The following PLCXD1 variants were observed in gnomAD, a reference collection of about 807,000 sequenced individuals.
The protein encoded by PLCXD1 is PI-PLC X domain-containing protein 1.
A neutral mutation model predicts 37.8 loss-of-function variants in PLCXD1; 45 were observed. The observed-to-expected ratio is 1.19, with a 90% CI of 0.94 to 1.53. The LOEUF (loss-of-function observed/expected upper bound fraction) is 1.53, where lower values mean the gene tolerates loss of function less well. Among genes scored for constraint, PLCXD1 ranks in the 40% most tolerant of loss-of-function variants. The probability of loss-of-function intolerance (pLI) is 0.00; values close to 1 mark genes in which losing one functional copy is unlikely to be tolerated. For synonymous variants in PLCXD1, 246 were observed against 206.9 expected (o/e 1.19, Z -1.62); for missense variants, 539 against 454.7 (o/e 1.19, Z -1.69).
chrX:303,192 C>G lies in PLCXD1; in HGVS notation c.*3857C>G, dbSNP rs528604087. On this transcript the variant is annotated 3_prime_UTR_variant, in exon 7 of 7. Coordinates refer to ENST00000381657, the MANE Select transcript of PLCXD1 (RefSeq NM_018390.4). ...ACAACCGGCGGCTACCTCAGCCCCACGGCTCTGCAGGATCAGGGCTCGGGC... is the reference window on the plus strand; with the variant it reads ...ACAACCGGCGGCTACCTCAGCCCCAGGGCTCTGCAGGATCAGGGCTCGGGC... 6.6e-6 allele frequency: 1 copy of G among 152,286 alleles called. No homozygotes were observed. Among genetic ancestry groups the G allele is most frequent in the East Asian group, 1.9e-4 (1 of 5,176 alleles). The allele number at this position is 152,286 out of a possible 1,614,324, so 9.4% of individuals were successfully genotyped here. A position where few individuals can be genotyped will look rare whatever the true frequency, so the allele number is the denominator to read the frequency against.
At chrX:283,534 C>T (rs1443213968) in intron 1 of PLCXD1, 8 of 150,280 alleles carry the variant, frequency 5.3e-5, no homozygotes, top group African/African-American at 2.0e-4. Context: ...GTGGGGGCGG[C>T]CGTGGTGTCA....
Position 302,271 on chromosome X carries a change from C to CT in PLCXD1, c.*2936_*2937insT, listed in dbSNP as rs1361035406. On this transcript the variant is annotated 3_prime_UTR_variant, in exon 7 of 7. Transcript: ENST00000381657. ...TAAAGTCCTACAGGTACAAGGGAGA[C>CT]CCCCCCCCCACGGAAGGCGCCCCCA... 1.1e-3 allele frequency: 5 copies of CT among 4,704 alleles called. No homozygotes were observed. The highest frequency in any genetic ancestry group is 0.01 in the Non-Finnish European group (5 of 478). 0.3% of individuals were successfully genotyped at this position (4,704 alleles called of 1,614,324 possible).
At position 289,148 on chromosome X, in the gene PLCXD1, C is replaced by T. The variant is rs183894416; in HGVS notation, c.264+279C>T. On this transcript the variant is annotated intron_variant, in intron 3 of 6. Transcript: ENST00000381657. The stretch of plus-strand genomic sequence containing the variant: ...TCTTACCCGGGCTGGAGTGCAGTGG[C>T]GTGATCTCGGCTCACTGCAACCTCC... Among the ~76,000 whole-genome samples, 274 of 151,948 alleles carry T rather than the reference C, an allele frequency of 1.8e-3. 1 individual carries two copies. The highest frequency in any genetic ancestry group is 2.8e-3 in the Non-Finnish European group (190 of 67,930).
chrX:287,549 G>A (rs1376929260), intron 2 of PLCXD1, among the ~76,000 whole-genome samples: 1 of 94,946 alleles, frequency 1.1e-5, no homozygotes, highest in Non-Finnish European at 1.8e-5. Flanking sequence ...TTTATATATA[G>A]ATATAGATAC....
At position 284,160 on chromosome X, in the gene PLCXD1, T is replaced by C. The variant is rs2124319312; in HGVS notation, c.-21-7T>C. ...AAAAAACCTCTTTTCCTCTTCTCCT[T>C]CCTCAGGTTGCCCAGGGCTCACCTC... On this transcript the variant is annotated splice_region_variant and splice_polypyrimidine_tract_variant and intron_variant, in intron 1 of 6. Coordinates refer to ENST00000381657, the MANE Select transcript of PLCXD1 (RefSeq NM_018390.4). 6.2e-7 allele frequency: 1 copy of C among 1,611,906 alleles called. No individual in the cohort carries two copies. Among genetic ancestry groups the C allele is most frequent in the East Asian group, 2.2e-5 (1 of 44,880 alleles).
At chrX:296,614 T>C (rs2069816694) in intron 6 of PLCXD1, among the ~76,000 whole-genome samples, 1 of 152,158 alleles carries the variant, frequency 6.6e-6, no homozygotes, top group Admixed American at 6.6e-5. Flanking sequence ...CAAATTTGCA[T>C]TTCTAACTAT....
chrX:285,278 T>C (rs1374720787), intron 2 of PLCXD1, among the ~76,000 whole-genome samples: 1 of 151,838 alleles, frequency 6.6e-6, no homozygotes, highest in African/African-American at 2.4e-5. Flanking sequence ...GCACATAGGC[T>C]CATACACACA....
chrX:290,629 C>A lies in PLCXD1; in HGVS notation c.265-19C>A. The A allele has an allele frequency of 6.2e-7, 1 of 1,613,262 alleles. No homozygotes were observed. The highest frequency in any genetic ancestry group is 8.5e-7 in the Non-Finnish European group (1 of 1,179,596). On this transcript the variant is annotated intron_variant, in intron 3 of 6. Transcript: ENST00000381657. Reference sequence around the variant, plus strand: ...GCGGCGCTCAGCCAGGCAGACATGACAGCAGCCTCTGTCCACAGGCACTGG... The same window carrying A: ...GCGGCGCTCAGCCAGGCAGACATGAAAGCAGCCTCTGTCCACAGGCACTGG...
rs1488329191 is a variant in PLCXD1 at position 284,162 on chromosome X, C to T, written c.-21-5C>T. On this transcript the variant is annotated splice_region_variant and splice_polypyrimidine_tract_variant and intron_variant, in intron 1 of 6. Coordinates refer to ENST00000381657, the MANE Select transcript of PLCXD1 (RefSeq NM_018390.4). ...AAAACCTCTTTTCCTCTTCTCCTTCCTCAGGTTGCCCAGGGCTCACCTCTG... is the reference window on the plus strand; with the variant it reads ...AAAACCTCTTTTCCTCTTCTCCTTCTTCAGGTTGCCCAGGGCTCACCTCTG... 2 of 1,611,816 alleles carry T rather than the reference C, an allele frequency of 1.2e-6. No individual in the cohort carries two copies. Among genetic ancestry groups the T allele is most frequent in the African/African-American group, 1.3e-5 (1 of 74,856 alleles).
upstream of PLCXD1, among the ~76,000 whole-genome samples, chrX:279,221 T>C (rs756607521): frequency 1.3e-5 from 2 of 152,274 alleles, no homozygotes; most frequent in Admixed American, 1.3e-4. Context: ...TAAAATGTTG[T>C]AATTTTAGTT....
intron 4 of PLCXD1, among the ~76,000 whole-genome samples, chrX:291,223 G>A (rs2069624387): frequency 6.6e-6 from 1 of 150,706 alleles, no homozygotes; most frequent in Non-Finnish European, 1.5e-5. Context: ...TCAGCTCACT[G>A]CAACCTCTGC....
rs921999879 is a variant in PLCXD1, at chrX:299,251, C to G, written c.888C>G (p.Thr296=). 2.5e-6 allele frequency: 4 copies of G among 1,613,904 alleles called. No homozygotes were observed. The Admixed American group carries it at 6.7e-5, about 27-fold the overall frequency. The change falls in exon 7 of 7, where the codon ACC becomes ACG. Residue 296 remains threonine, a synonymous_variant. Coordinates refer to ENST00000381657, the MANE Select transcript of PLCXD1 (RefSeq NM_018390.4). ...GCCCGGGGCCGGGTTCACGGTGCACCAACATCATCGCGGGGGACTTCATCG... is the reference window on the plus strand; with the variant it reads ...GCCCGGGGCCGGGTTCACGGTGCACGAACATCATCGCGGGGGACTTCATCG... ...EQCPGPGSRC[T]NIIAGDFIGA...
Position 303,309 on chromosome X carries a change from C to T in PLCXD1, c.*3974C>T, listed in dbSNP as rs1777468808. On this transcript the variant is annotated 3_prime_UTR_variant, in exon 7 of 7. Coordinates refer to ENST00000381657, the MANE Select transcript of PLCXD1 (RefSeq NM_018390.4). ...TGTCAGGGGCGTATCCACAAAATCA[C>T]CGAATTCATACAGATCGTTTAAATA... 6.6e-6 allele frequency: 1 copy of T among 152,140 alleles called. No homozygotes were observed. The highest frequency in any genetic ancestry group is 6.6e-5 in the Admixed American group (1 of 15,252). 9.4% of individuals were successfully genotyped at this position (152,140 alleles called of 1,614,324 possible).
In PLCXD1 at chrX:302,007, A is replaced by G. The variant is rs28613050; in HGVS notation, c.*2672A>G. 139,949 of 152,324 alleles carry G rather than the reference A, an allele frequency of 0.92. 64,337 individuals carry two copies. Among genetic ancestry groups the G allele is most frequent in the East Asian group, 1 (5,161 of 5,164 alleles). The allele number at this position is 152,324 out of a possible 1,614,324, so 9.4% of individuals were successfully genotyped here. On this transcript the variant is annotated 3_prime_UTR_variant, in exon 7 of 7. Coordinates refer to ENST00000381657, the MANE Select transcript of PLCXD1 (RefSeq NM_018390.4). ...AGCCAGCCCCCCAGCCCGGAGTGCTACTGAAGTGTTCAAAAGTTGTCAATC... is the reference window on the plus strand; with the variant it reads ...AGCCAGCCCCCCAGCCCGGAGTGCTGCTGAAGTGTTCAAAAGTTGTCAATC...
intron 2 of PLCXD1, among the ~76,000 whole-genome samples, chrX:287,465 A>ATAT (rs2069486527): frequency 9.7e-6 from 1 of 103,038 alleles, no homozygotes; most frequent in Non-Finnish European, 1.9e-5. Context: ...TATATATAGA[A>ATAT]TATATACTAT....
At chrX:290,190 G>A (rs369258205) in intron 3 of PLCXD1, among the ~76,000 whole-genome samples, 2 of 152,044 alleles carry the variant, frequency 1.3e-5, no homozygotes, top group Non-Finnish European at 1.5e-5. Flanking sequence ...CACTTTGGGA[G>A]GCCAAGGTGG....
At position 302,270 on chromosome X, in the gene PLCXD1, A is replaced by ACCC. The variant is rs771865156; in HGVS notation, c.*2943_*2945dup. 362 of 145,464 alleles carry ACCC rather than the reference A, an allele frequency of 2.5e-3. 7 individuals are homozygous for ACCC. The East Asian group carries it at 0.055, about 22-fold the overall frequency. The allele number at this position is 145,464 out of a possible 1,614,324, so 9.0% of individuals were successfully genotyped here. ...TTAAAGTCCTACAGGTACAAGGGAG[A>ACCC]CCCCCCCCCCACGGAAGGCGCCCCC... On this transcript the variant is annotated 3_prime_UTR_variant, in exon 7 of 7. Transcript: ENST00000381657.
At position 302,349 on chromosome X, in the gene PLCXD1, C is replaced by T. The variant is rs2070042981; in HGVS notation, c.*3014C>T. ...TTTCTGCACAGGTTTCTTTCTGCCT[C>T]TGAAGCGTGAACGGTCCTAGTTTCA... On this transcript the variant is annotated 3_prime_UTR_variant, in exon 7 of 7. Coordinates refer to ENST00000381657, the MANE Select transcript of PLCXD1 (RefSeq NM_018390.4). 6.6e-6 allele frequency: 1 copy of T among 152,174 alleles called. No individual in the cohort carries two copies. The highest frequency in any genetic ancestry group is 2.4e-5 in the African/African-American group (1 of 41,440). The allele number at this position is 152,174 out of a possible 1,614,324, so 9.4% of individuals were successfully genotyped here. A position where few individuals can be genotyped will look rare whatever the true frequency, so the allele number is the denominator to read the frequency against.
intron 4 of PLCXD1, 98 bp from the exon 5 acceptor site, chrX:291,401 C>G (rs1241614763): frequency 7.1e-7 from 1 of 1,401,600 alleles, no homozygotes. Context: ...CCGCCTCGGC[C>G]TCCCAAATTG....
Sources: allele counts gnomAD v4.1 joint callset (sites outside exome capture counted in the v4.1 genomes callset), GRCh38; gene constraint gnomAD v4.1.1; transcripts MANE v1.5; gene names NCBI Gene and HGNC (gene_info 2026-07-23, HGNC 2026-07-21).